SNTG2: variants seen among roughly 807,000 people sequenced by gnomAD.
The protein encoded by SNTG2 is gamma-2-syntrophin.
A neutral mutation model predicts 70.9 loss-of-function variants in SNTG2; 74 were observed. That is an observed-to-expected ratio of 1.04 (90% CI 0.86 to 1.27). The LOEUF is 1.27. SNTG2 is among the 50% of genes most tolerant of loss of function. SNTG2 has a pLI of 0.00. For synonymous variants in SNTG2, 278 were observed against 273.8 expected (o/e 1.02, Z -0.15); for missense variants, 717 against 690.7 (o/e 1.04, Z -0.43).
intron 1 of SNTG2, among the ~76,000 whole-genome samples, chr2:1,073,148 A>G (rs1572365301): frequency 6.6e-6 from 1 of 152,360 alleles, no homozygotes; most frequent in East Asian, 1.9e-4. Context: ...AGCTTAGTTG[A>G]TGACACAGTG....
chr2:1,090,811 A>G (rs1470997887), intron 2 of SNTG2, among the ~76,000 whole-genome samples: 1 of 152,158 alleles, frequency 6.6e-6, no homozygotes, highest in Admixed American at 6.5e-5. Flanking sequence ...GAGTCCACCC[A>G]GAGGAAAGTC....
rs1365306908 is a variant in SNTG2, at chr2:1,083,574, C to G, written c.129C>G (p.Ile43Met). The change falls in exon 2 of 17, where the codon ATC (isoleucine) becomes ATG (methionine). Residue 43 changes from isoleucine to methionine, a missense_variant. Transcript: ENST00000308624. Reference protein sequence around the residue: ...YDEESENAYDIRLKLTKEVLT... With the variant: ...YDEESENAYDMRLKLTKEVLT... ...AAGAGTCCGAAAATGCCTATGACAT[C>G]CGGCTGAAGCTGACGAAAGAGGTGC... 8 of 1,613,604 alleles carry G rather than the reference C, an allele frequency of 5.0e-6. No individual in the cohort carries two copies. The highest frequency in any genetic ancestry group is 6.8e-6 in the Non-Finnish European group (8 of 1,179,732).
At chr2:982,058 A>C (rs866424625) in intron 1 of SNTG2, among the ~76,000 whole-genome samples, 1 of 152,238 alleles carries the variant, frequency 6.6e-6, no homozygotes, top group African/African-American at 2.4e-5. Context: ...ACACATGTCC[A>C]CACCCACACA....
chr2:1,360,156 CATTT>C (rs2148317781), intron 16 of SNTG2, among the ~76,000 whole-genome samples: 1 of 152,312 alleles, frequency 6.6e-6, no homozygotes, highest in African/African-American at 2.4e-5. Context: ...TAGAGACACA[CATTT>C]ATCCTCTTAC....
chr2:1,148,329 A>T (rs1032179659), intron 6 of SNTG2, among the ~76,000 whole-genome samples: 1 of 152,180 alleles, frequency 6.6e-6, no homozygotes, highest in Non-Finnish European at 1.5e-5. Flanking sequence ...TGGAGAAGAG[A>T]GGGCCTGGCA....
rs142733630 is a variant in SNTG2 at position 1,120,863 on chromosome 2, A to T, written c.326-16759A>T. Among the ~76,000 whole-genome samples the T allele has an allele frequency of 3.7e-3, 556 of 152,304 alleles. 3 individuals are homozygous for T. Among genetic ancestry groups the T allele is most frequent in the Middle Eastern group, 0.031 (9 of 294 alleles). On this transcript the variant is annotated intron_variant, in intron 4 of 16. Transcript: ENST00000308624. ...GATAGTTCAACTAGACAGAAAATCA[A>T]TAAGAAAATACAGGACTTGAATTGC...
intron 14 of SNTG2, among the ~76,000 whole-genome samples, chr2:1,289,298 CCTT>C (rs992776132): frequency 2.6e-4 from 40 of 152,168 alleles, no homozygotes; most frequent in African/African-American, 7.9e-4. Flanking sequence ...CAAAATGTCT[CCTT>C]CTGCCGCCGC....
chr2:1,168,344 A>C (rs116233467), intron 7 of SNTG2, among the ~76,000 whole-genome samples: 2,626 of 151,830 alleles, frequency 0.017, 74 homozygotes, highest in African/African-American at 0.061. Context: ...CAGAACTAAC[A>C]GAGCGCCCTG....
At chr2:1,230,330 G>T (rs897261358) in intron 9 of SNTG2, among the ~76,000 whole-genome samples, 8 of 152,170 alleles carry the variant, frequency 5.3e-5, no homozygotes, top group Admixed American at 1.3e-4. Flanking sequence ...TCAGAGGGAC[G>T]GGCACTGGAA....
intron 4 of SNTG2, among the ~76,000 whole-genome samples, chr2:1,111,688 T>G (rs140899407): frequency 2.3e-4 from 35 of 152,392 alleles, no homozygotes; most frequent in African/African-American, 8.2e-4. Context: ...TAGATTTCCC[T>G]GTTATCAATG....
At chr2:991,667 C>T (rs367978674) in intron 1 of SNTG2, among the ~76,000 whole-genome samples, 31 of 152,212 alleles carry the variant, frequency 2.0e-4, no homozygotes, top group East Asian at 5.8e-4. Flanking sequence ...CAACACTGTC[C>T]GCAGTAATGG....
intron 8 of SNTG2, among the ~76,000 whole-genome samples, chr2:1,203,674 ATATATAT>A (rs1354838983): frequency 4.2e-5 from 5 of 119,564 alleles, no homozygotes; most frequent in Admixed American, 7.8e-5. Flanking sequence ...AAAAAAAAAA[ATATATAT>A]ATATATATAT....
intron 1 of SNTG2, among the ~76,000 whole-genome samples, chr2:998,338 A>G (rs1189899217): frequency 1.3e-5 from 2 of 152,148 alleles, no homozygotes; most frequent in Non-Finnish European, 2.9e-5. Flanking sequence ...AATACAAACT[A>G]TTGATTCTAG....
Position 1,267,567 on chromosome 2 carries a change from C to G in SNTG2, c.1280C>G (p.Thr427Ser). 5.0e-6 allele frequency: 8 copies of G among 1,612,436 alleles called. No individual in the cohort carries two copies. The highest frequency in any genetic ancestry group is 1.1e-5 in the South Asian group (1 of 90,980). ...GCCACGTTCATGGAAGTTCAGAGAACCGGGGTAAGTGAACAACTCACACTC... is the reference window on the plus strand; with the variant it reads ...GCCACGTTCATGGAAGTTCAGAGAAGCGGGGTAAGTGAACAACTCACACTC... Reference protein sequence around the residue: ...QRATFMEVQRTGSRTYMCSWQ... With the variant: ...QRATFMEVQRSGSRTYMCSWQ... The change falls in exon 14 of 17, where the codon ACC (threonine) becomes AGC (serine). Residue 427 changes from threonine (T) to serine (S), a missense_variant. Physicochemically the swap from Thr to Ser is moderately conservative, Grantham distance 58. Coordinates refer to ENST00000308624, the MANE Select transcript of SNTG2 (RefSeq NM_018968.4).
At chr2:1,045,693 A>C (rs1435459205) in intron 1 of SNTG2, among the ~76,000 whole-genome samples, 1 of 152,104 alleles carries the variant, frequency 6.6e-6, no homozygotes, top group Non-Finnish European at 1.5e-5. Flanking sequence ...TGGTTTTGAG[A>C]CATCTTGTTT....
chr2:1,043,350 T>C (rs1349528970), intron 1 of SNTG2, among the ~76,000 whole-genome samples: 1 of 152,240 alleles, frequency 6.6e-6, no homozygotes, highest in Non-Finnish European at 1.5e-5. Flanking sequence ...GCAAATATTT[T>C]ATCCCATCCT....
intron 1 of SNTG2, among the ~76,000 whole-genome samples, chr2:1,019,869 C>A (rs753460327): frequency 6.6e-6 from 1 of 151,944 alleles, no homozygotes; most frequent in Non-Finnish European, 1.5e-5. Flanking sequence ...ATGGTGAAAC[C>A]CCGTCTCTAC....
intron 16 of SNTG2, among the ~76,000 whole-genome samples, chr2:1,339,132 T>C (rs1024170582): frequency 6.6e-6 from 1 of 152,232 alleles, no homozygotes; most frequent in East Asian, 1.9e-4. Flanking sequence ...ATGTGACACA[T>C]CTTACCATGT....
intron 14 of SNTG2, among the ~76,000 whole-genome samples, chr2:1,288,443 G>A (rs1335742103): frequency 6.6e-6 from 1 of 152,148 alleles, no homozygotes; most frequent in African/African-American, 2.4e-5. Context: ...TATCCTCCAA[G>A]ATGGTCCACT....
Sources: gnomAD v4.1 joint callset for allele counts (sites outside exome capture counted in the v4.1 genomes callset) on GRCh38, gnomAD v4.1.1 for gene constraint, MANE v1.5 for transcripts, NCBI Gene and HGNC (gene_info 2026-07-23, HGNC 2026-07-21) for gene names.